Variants in FHIT observed in about 807,000 individuals in gnomAD.
FHIT encodes fragile histidine triad diadenosine triphosphatase.
In FHIT, 19 loss-of-function variants were observed where a neutral mutation model predicts 17.9. The ratio of observed to expected loss-of-function variants is 1.06; its 90% CI spans 0.74 to 1.56. The LOEUF is 1.56. Ranked by LOEUF, FHIT falls within the 40% of genes most tolerant of loss-of-function variation. The probability of loss-of-function intolerance (pLI) is 0.00; values close to 1 mark genes in which losing one functional copy is unlikely to be tolerated. For missense variants in FHIT, 248 were observed against 189.2 expected (o/e 1.31, Z -1.82); for synonymous variants, 81 against 69.7 (o/e 1.16, Z -0.81).
At chr3:60,871,771 C>A (rs568187311) in intron 3 of FHIT, among the ~76,000 whole-genome samples, 3 of 152,166 alleles carry the variant, frequency 2.0e-5, no homozygotes, top group Admixed American at 6.6e-5. Flanking sequence ...GTAGCTAGAA[C>A]TATAGGCACA....
intron 3 of FHIT, among the ~76,000 whole-genome samples, chr3:60,859,267 T>C (rs1703515188): frequency 6.6e-6 from 1 of 152,190 alleles, no homozygotes; most frequent in Admixed American, 6.5e-5. Flanking sequence ...AGGCAAGGTA[T>C]TCAACCTTTT....
intron 7 of FHIT, among the ~76,000 whole-genome samples, chr3:59,961,391 T>A (rs546584284): frequency 5.3e-5 from 8 of 152,108 alleles, no homozygotes; most frequent in African/African-American, 1.9e-4. Flanking sequence ...AGGAAAAAAA[T>A]ACTTCATTTC....
At chr3:60,140,575 A>ATTT (rs10540921) in intron 5 of FHIT, among the ~76,000 whole-genome samples, 74 of 129,010 alleles carry the variant, frequency 5.7e-4, no homozygotes, top group African/African-American at 1.9e-3. Flanking sequence ...CACAGACTCT[A>ATTT]TTTTTTTTTT....
chr3:60,177,235 G>C (rs1049800760), intron 5 of FHIT, among the ~76,000 whole-genome samples: 2 of 149,494 alleles, frequency 1.3e-5, no homozygotes, highest in South Asian at 4.2e-4. Flanking sequence ...AGGAGAGAGA[G>C]GGTCAGGGAA....
chr3:60,952,626 A>T (rs1473409672), intron 3 of FHIT, among the ~76,000 whole-genome samples: 1 of 152,078 alleles, frequency 6.6e-6, no homozygotes, highest in African/African-American at 2.4e-5. Context: ...TACAAAACAA[A>T]ACCCAGCAGG....
At chr3:60,244,898 T>C (rs1047447898) in intron 5 of FHIT, among the ~76,000 whole-genome samples, 2 of 152,150 alleles carry the variant, frequency 1.3e-5, no homozygotes, top group East Asian at 3.8e-4. Flanking sequence ...TTACTGTCTG[T>C]CAATGCATTT....
chr3:59,820,141 T>C (rs920145276), intron 8 of FHIT, among the ~76,000 whole-genome samples: 3 of 152,224 alleles, frequency 2.0e-5, no homozygotes, highest in Non-Finnish European at 4.4e-5. Context: ...ACTAAGACAA[T>C]GAATATATAC....
intron 2 of FHIT, among the ~76,000 whole-genome samples, chr3:61,126,960 C>G (rs59204067): frequency 0.029 from 4,476 of 152,194 alleles, 227 homozygotes; most frequent in East Asian, 0.24. Flanking sequence ...AGTAGAGAGC[C>G]TGGAGTGGAA....
At chr3:60,891,975 C>T (rs782060793) in intron 3 of FHIT, among the ~76,000 whole-genome samples, 8 of 152,120 alleles carry the variant, frequency 5.3e-5, no homozygotes, top group Non-Finnish European at 1.0e-4. Flanking sequence ...TCATGAAATG[C>T]GAGGTTTCTG....
intron 3 of FHIT, among the ~76,000 whole-genome samples, chr3:61,039,691 C>T (rs1400661143): frequency 2.0e-5 from 3 of 151,886 alleles, no homozygotes; most frequent in African/African-American, 7.3e-5. Flanking sequence ...CATCACATAC[C>T]GGGGCCTATT....
chr3:59,795,586 C>T (rs554103196), intron 8 of FHIT, among the ~76,000 whole-genome samples: 5 of 151,660 alleles, frequency 3.3e-5, no homozygotes, highest in Admixed American at 1.3e-4. Flanking sequence ...GAGCTGGGCA[C>T]GGTGGTGGGT....
intron 5 of FHIT, among the ~76,000 whole-genome samples, chr3:60,140,937 A>T (rs991399841): frequency 6.6e-6 from 1 of 152,154 alleles, no homozygotes; most frequent in Non-Finnish European, 1.5e-5. Flanking sequence ...CAAAGCTGTC[A>T]TCGGTCAGTA....
chr3:60,578,943 G>T (rs1429182204), intron 4 of FHIT, among the ~76,000 whole-genome samples: 1 of 152,106 alleles, frequency 6.6e-6, no homozygotes, highest in African/African-American at 2.4e-5. Context: ...TACAGGCAAA[G>T]AAAGTAAACA....
chr3:61,062,100 A>T (rs1403638874), intron 2 of FHIT, among the ~76,000 whole-genome samples: 1 of 152,178 alleles, frequency 6.6e-6, no homozygotes, highest in Non-Finnish European at 1.5e-5. Context: ...GGTCAAATAT[A>T]TCTACAGAAT....
intron 5 of FHIT, among the ~76,000 whole-genome samples, chr3:60,360,030 A>G (rs1699841311): frequency 1.3e-5 from 2 of 149,150 alleles, no homozygotes; most frequent in African/African-American, 4.9e-5. Flanking sequence ...AGGAAAGGAC[A>G]GATCCCTGCT....
intron 5 of FHIT, among the ~76,000 whole-genome samples, chr3:60,376,077 C>G (rs570072596): frequency 6.6e-6 from 1 of 152,270 alleles, no homozygotes; most frequent in South Asian, 2.1e-4. Context: ...CATTCATATT[C>G]TGTGTGTCCC....
At chr3:60,256,003 T>C (rs984191224) in intron 5 of FHIT, among the ~76,000 whole-genome samples, 12 of 152,190 alleles carry the variant, frequency 7.9e-5, no homozygotes, top group African/African-American at 2.7e-4. Context: ...AGCCTGATTT[T>C]TGAAAAGGTA....
intron 5 of FHIT, among the ~76,000 whole-genome samples, chr3:60,044,990 A>G (rs1428823649): frequency 2.0e-5 from 3 of 152,164 alleles, no homozygotes; most frequent in Admixed American, 6.6e-5. Flanking sequence ...ATTTTGACCC[A>G]AAGTCTTACG....
intron 5 of FHIT, among the ~76,000 whole-genome samples, chr3:60,191,376 G>A (rs1056655297): frequency 2.6e-5 from 4 of 152,122 alleles, no homozygotes; most frequent in Admixed American, 6.5e-5. Context: ...CTTAGAAAAC[G>A]GCAGGTTGTC....
Sources: gnomAD v4.1 joint callset for allele counts (sites outside exome capture counted in the v4.1 genomes callset) on GRCh38, gnomAD v4.1.1 for gene constraint, MANE v1.5 for transcripts, NCBI Gene and HGNC (gene_info 2026-07-23, HGNC 2026-07-21) for gene names.